NCALD: variants seen among roughly 807,000 people sequenced by gnomAD.
The protein encoded by NCALD is neurocalcin delta, also known as neurocalcin-delta.
A neutral mutation model predicts 18.6 loss-of-function variants in NCALD; 10 were observed. That is an observed-to-expected ratio of 0.54 (90% confidence interval 0.33 to 0.91). The LOEUF (loss-of-function observed/expected upper bound fraction) is 0.91. Among genes scored for constraint, NCALD ranks in the 40% least tolerant of loss-of-function variants. The probability of loss-of-function intolerance (pLI) is 0.03; values close to 1 mark genes in which losing one functional copy is unlikely to be tolerated. For synonymous variants in NCALD, 88 were observed against 87.4 expected (o/e 1.01, Z -0.04); for missense variants, 184 against 247.6 (o/e 0.74, Z 1.72).
intron 2 of NCALD, among the ~76,000 whole-genome samples, chr8:101,979,578 T>A (rs1820542090): frequency 6.6e-6 from 1 of 152,220 alleles, no homozygotes; most frequent in African/African-American, 2.4e-5. Flanking sequence ...GAAACCATGC[T>A]ACTCACTTTA....
intron 1 of NCALD, among the ~76,000 whole-genome samples, chr8:101,777,919 G>A (rs1166573577): frequency 6.6e-6 from 1 of 152,192 alleles, no homozygotes; most frequent in East Asian, 1.9e-4. Context: ...AGATTTTAGA[G>A]AGAGCTAATG....
At chr8:102,115,024 A>G (rs1411004503) in intron 1 of NCALD, among the ~76,000 whole-genome samples, 1 of 152,226 alleles carries the variant, frequency 6.6e-6, no homozygotes, top group Non-Finnish European at 1.5e-5. Flanking sequence ...CACAGGCCCC[A>G]TACTCAGCAG....
chr8:101,764,458 G>T (rs935329216), intron 1 of NCALD, among the ~76,000 whole-genome samples: 11 of 152,294 alleles, frequency 7.2e-5, no homozygotes, highest in Non-Finnish European at 1.3e-4. Flanking sequence ...GTGGCCACTG[G>T]TGACCTTGAC....
intron 2 of NCALD, among the ~76,000 whole-genome samples, chr8:101,968,271 G>A (rs1820108376): frequency 1.3e-5 from 2 of 151,660 alleles, no homozygotes; most frequent in Non-Finnish European, 2.9e-5. Flanking sequence ...CACAAAAACT[G>A]GAAATAAATG....
chr8:102,077,142 AG>A (rs774519874), intron 1 of NCALD, among the ~76,000 whole-genome samples: 5 of 151,882 alleles, frequency 3.3e-5, no homozygotes, highest in Non-Finnish European at 5.9e-5. Flanking sequence ...AGGCTGGTGG[AG>A]GGGGTGGGGT....
chr8:102,048,315 A>G (rs1823319538), intron 1 of NCALD, among the ~76,000 whole-genome samples: 1 of 152,182 alleles, frequency 6.6e-6, no homozygotes, highest in Non-Finnish European at 1.5e-5. Context: ...CAATTCTCTG[A>G]AAAGTTCTAT....
chr8:102,020,017 T>C (rs1364589200), intron 2 of NCALD, among the ~76,000 whole-genome samples: 1 of 152,192 alleles, frequency 6.6e-6, no homozygotes, highest in Non-Finnish European at 1.5e-5. Flanking sequence ...TATTCTCTCC[T>C]TTTCATTTTG....
chr8:101,815,115 T>G lies in NCALD; in HGVS notation c.-20+72026A>C, dbSNP rs1170546892. ...TGTTATTTAGTGGATATTGACAAAC[T>G]TATTATAAAGTTTATATGGAGAGGC... On this transcript the variant is annotated intron_variant, in intron 4 of 6. Transcript: ENST00000311028. Among the ~76,000 whole-genome samples, 3 of 152,086 alleles carry G rather than the reference T, an allele frequency of 2.0e-5. No individual in the cohort carries two copies. In the East Asian group the frequency reaches 5.8e-4, roughly 29 times the overall value.
intron 2 of NCALD, among the ~76,000 whole-genome samples, chr8:101,956,294 G>A (rs994664130): frequency 2.6e-5 from 4 of 152,120 alleles, no homozygotes; most frequent in African/African-American, 9.7e-5. Flanking sequence ...GCCAAGCATG[G>A]AAAGGTAACA....
intron 4 of NCALD, among the ~76,000 whole-genome samples, chr8:101,806,415 A>C (rs994544825): frequency 6.6e-6 from 1 of 152,176 alleles, no homozygotes; most frequent in Non-Finnish European, 1.5e-5. Context: ...AGCTATTATA[A>C]ATATGTTAAA....
intron 1 of NCALD, among the ~76,000 whole-genome samples, chr8:102,032,764 G>C (rs145358721): frequency 6.6e-6 from 1 of 152,216 alleles, no homozygotes; most frequent in African/African-American, 2.4e-5. Context: ...CAATAATCAG[G>C]GGGACAAGAT....
At chr8:102,098,716 C>T (rs552478190) in intron 1 of NCALD, among the ~76,000 whole-genome samples, 1 of 152,248 alleles carries the variant, frequency 6.6e-6, no homozygotes, top group South Asian at 2.1e-4. Context: ...AGACATCAGA[C>T]CCTGCCTTCC....
intron 1 of NCALD, among the ~76,000 whole-genome samples, chr8:102,058,851 A>T (rs1107182): frequency 0.32 from 48,309 of 152,144 alleles, 8,433 homozygotes; most frequent in East Asian, 0.63. Context: ...GTCCAACCTA[A>T]TCACATGAGT....
At chr8:101,982,758 T>C (rs1228007549) in intron 2 of NCALD, among the ~76,000 whole-genome samples, 1 of 151,892 alleles carries the variant, frequency 6.6e-6, no homozygotes, top group Non-Finnish European at 1.5e-5. Context: ...GGAGAATTGC[T>C]TGAACCCGGG....
chr8:102,104,023 G>A (rs192301000), intron 1 of NCALD, among the ~76,000 whole-genome samples: 25 of 152,244 alleles, frequency 1.6e-4, no homozygotes, highest in Admixed American at 5.9e-4. Flanking sequence ...ATACACACAC[G>A]CATACGCATA....
rs1021085770 is a variant in NCALD at position 101,747,539 on chromosome 8, G to C, written c.-19-27891C>G. ...TTCCTCCCATAACTTTCAGTAGTGT[G>C]AGATAGAGAATAAATTTTCTCTGTG... On this transcript the variant is annotated intron_variant, in intron 1 of 3. Transcript: ENST00000220931. Among the ~76,000 whole-genome samples the C allele has an allele frequency of 2.6e-5, 4 of 152,098 alleles. No homozygotes were observed. In the East Asian group the frequency reaches 5.8e-4, roughly 22 times the overall value.
intron 1 of NCALD, among the ~76,000 whole-genome samples, chr8:101,749,329 A>C (rs1810555453): frequency 1.3e-5 from 2 of 152,214 alleles, no homozygotes; most frequent in Admixed American, 1.3e-4. Context: ...AAGAAGCAAA[A>C]ACTAATCCTG....
intron 2 of NCALD, among the ~76,000 whole-genome samples, chr8:101,924,017 T>A (rs569323575): frequency 6.6e-6 from 1 of 152,132 alleles, no homozygotes; most frequent in African/African-American, 2.4e-5. Context: ...AACAATCCCA[T>A]CATCCAGGCC....
intron 2 of NCALD, among the ~76,000 whole-genome samples, chr8:101,992,098 C>A (rs958261968): frequency 6.6e-6 from 1 of 152,166 alleles, no homozygotes; most frequent in East Asian, 1.9e-4. Flanking sequence ...TTATGAAAGT[C>A]GCATGGGAAC....
Sources: allele counts gnomAD v4.1 joint callset (sites outside exome capture counted in the v4.1 genomes callset), GRCh38; gene constraint gnomAD v4.1.1; transcripts MANE v1.5; gene names NCBI Gene and HGNC (gene_info 2026-07-23, HGNC 2026-07-21).